The following CLUAP1 variants were observed in gnomAD, a reference collection of about 807,000 sequenced individuals.
CLUAP1 encodes clusterin-associated protein 1.
Under a neutral mutation model 55.0 loss-of-function variants are expected in CLUAP1, and 50 were observed. The ratio of observed to expected loss-of-function variants is 0.91; its 90% CI spans 0.72 to 1.15. CLUAP1 has a LOEUF of 1.15. Among genes scored for constraint, CLUAP1 ranks in the 50% most tolerant of loss-of-function variants. The pLI, the probability that CLUAP1 is intolerant of heterozygous loss-of-function variation, is 0.00. For synonymous variants in CLUAP1, 195 were observed against 175.4 expected (o/e 1.11, Z -0.88); for missense variants, 530 against 507.6 (o/e 1.04, Z -0.42).
At chr16:3,501,615 T>G (rs1257856518) in intron 1 of CLUAP1, among the ~76,000 whole-genome samples, 1 of 152,004 alleles carries the variant, frequency 6.6e-6, no homozygotes, top group Non-Finnish European at 1.5e-5. Context: ...AAACCCCGTC[T>G]CTACTAAAAT....
At chr16:3,498,405 C>T (rs2037335576), upstream of CLUAP1, among the ~76,000 whole-genome samples, 1 of 152,056 alleles carries the variant, frequency 6.6e-6, no homozygotes, top group African/African-American at 2.4e-5. Context: ...CAAGTTGACA[C>T]ACAAAATTAA....
intron 4 of CLUAP1, among the ~76,000 whole-genome samples, chr16:3,511,283 G>A (rs1177366282): frequency 6.6e-6 from 1 of 152,162 alleles, no homozygotes; most frequent in Non-Finnish European, 1.5e-5. Flanking sequence ...AGCAGAGCAG[G>A]GAGACGTTTA....
Position 3,512,387 on chromosome 16 carries a change from C to A in CLUAP1, c.404C>A (p.Ala135Glu), listed in dbSNP as rs1275840487. 1 of 1,612,990 alleles carries A rather than the reference C, an allele frequency of 6.2e-7. No individual in the cohort carries two copies. Among genetic ancestry groups the A allele is most frequent in the Non-Finnish European group, 8.5e-7 (1 of 1,179,176 alleles). Residue 135 changes from alanine to glutamate, a missense_variant, in exon 5 of 12, where the codon GCA becomes GAA. Physicochemically the swap from Ala to Glu is moderately radical, Grantham distance 107. Transcript: ENST00000576634. ...TTTTTGTTATTTTCCTTCCAGATTG[C>A]AGATTTGAAGGCAGCCAGGCAGCTT... is the stretch of plus-strand genomic sequence containing the variant. Reference protein sequence around the residue: ...KFKFDLGSKIADLKAARQLAS... With the variant: ...KFKFDLGSKIEDLKAARQLAS...
At chr16:3,517,879 A>G (rs976195683) in intron 6 of CLUAP1, among the ~76,000 whole-genome samples, 2 of 152,176 alleles carry the variant, frequency 1.3e-5, no homozygotes, top group Non-Finnish European at 2.9e-5. Context: ...AAGTCAAGGA[A>G]AGCTGAGGGG....
intron 1 of CLUAP1, among the ~76,000 whole-genome samples, chr16:3,502,626 C>CTGTAAAAATATCTAGGAAGACCGCA (rs1567420320): frequency 2.6e-5 from 4 of 152,100 alleles, no homozygotes; most frequent in African/African-American, 9.6e-5. Flanking sequence ...GACGCATTAC[C>CTGTAAAAATATCTAGGAAGACCGCA]TTTTATCCAT....
intron 9 of CLUAP1, among the ~76,000 whole-genome samples, chr16:3,529,289 T>C (rs909431541): frequency 6.8e-5 from 10 of 147,470 alleles, no homozygotes; most frequent in African/African-American, 2.5e-4. Context: ...TTTTGAACTT[T>C]GTAGATTTTT....
At chr16:3,508,866 A>G (rs961473657) in intron 4 of CLUAP1, among the ~76,000 whole-genome samples, 1 of 150,322 alleles carries the variant, frequency 6.7e-6, no homozygotes, top group Non-Finnish European at 1.5e-5. Flanking sequence ...GTGATCAGGA[A>G]GGCCTCATGG....
At chr16:3,508,489 G>A (rs758318749) in intron 4 of CLUAP1, 21 bp downstream of exon 4, 2 of 1,535,842 alleles carry the variant, frequency 1.3e-6, no homozygotes, top group South Asian at 2.6e-5. Context: ...CAAAAGCCTT[G>A]TAGTGGGCGA....
chr16:3,519,900 T>C lies in CLUAP1; in HGVS notation c.580-3T>C, dbSNP rs771480133. Reference sequence around the variant, plus strand: ...TTGTCTCATTATTTCCCATTAAATATAGACACAGGTTCAGAAGACTAAAGA... The same window carrying C: ...TTGTCTCATTATTTCCCATTAAATACAGACACAGGTTCAGAAGACTAAAGA... On this transcript the variant is annotated splice_region_variant and splice_polypyrimidine_tract_variant and intron_variant, in intron 6 of 11. Coordinates refer to ENST00000576634, the MANE Select transcript of CLUAP1 (RefSeq NM_015041.3). The C allele has an allele frequency of 1.2e-5, 19 of 1,586,630 alleles. No individual in the cohort carries two copies. Among genetic ancestry groups the C allele is most frequent in the South Asian group, 4.7e-5 (4 of 85,030 alleles).
chr16:3,496,669 C>G, upstream of CLUAP1: 1 of 533,334 alleles, frequency 1.9e-6, no homozygotes, highest in South Asian at 1.4e-5. Flanking sequence ...TCGGCAAGGC[C>G]CTGGGAACCC....
intron 9 of CLUAP1, among the ~76,000 whole-genome samples, chr16:3,527,189 G>T (rs1012721561): frequency 6.6e-6 from 1 of 151,944 alleles, no homozygotes; most frequent in Admixed American, 6.6e-5. Context: ...TATAAAATAA[G>T]AATAGTTATA....
At chr16:3,512,609 T>G in intron 5 of CLUAP1, 131 bp downstream of exon 5, 1 of 623,492 alleles carries the variant, frequency 1.6e-6, no homozygotes, top group South Asian at 2.3e-5. Context: ...TGTGGAAAGG[T>G]GATAGAGGAT....
chr16:3,506,516 T>TC (rs1280748225), intron 3 of CLUAP1, 101 bp downstream of exon 3: 9 of 979,114 alleles, frequency 9.2e-6, no homozygotes, highest in Non-Finnish European at 1.4e-5. Context: ...AGTTTTTCTT[T>TC]CTTTTTTTTT....
rs931574479 is a variant in CLUAP1 at position 3,538,435 on chromosome 16, C to T, written c.*2164C>T. ...TTGGAGCCATGCCAGCCACCTCAGACACCGTGGCTCTAAGATGCGGAAGAG... is the reference window on the plus strand; with the variant it reads ...TTGGAGCCATGCCAGCCACCTCAGATACCGTGGCTCTAAGATGCGGAAGAG... On this transcript the variant is annotated 3_prime_UTR_variant, in exon 12 of 12. Coordinates refer to ENST00000576634, the MANE Select transcript of CLUAP1 (RefSeq NM_015041.3). 1.4e-4 allele frequency: 21 copies of T among 152,200 alleles called. No individual in the cohort carries two copies. Among genetic ancestry groups the T allele is most frequent in the Admixed American group, 2.6e-4 (4 of 15,280 alleles). 9.4% of individuals were successfully genotyped at this position (152,200 alleles called of 1,614,324 possible). A position where few individuals can be genotyped will look rare whatever the true frequency, so the allele number is the denominator to read the frequency against.
chr16:3,498,896 CAA>C (rs35800706), upstream of CLUAP1, among the ~76,000 whole-genome samples: 3 of 150,984 alleles, frequency 2.0e-5, no homozygotes, highest in East Asian at 1.9e-4. Context: ...ACAACAACAA[CAA>C]AAAAAAGTGA....
intron 8 of CLUAP1, among the ~76,000 whole-genome samples, chr16:3,524,754 T>TC (rs1471630968): frequency 6.6e-6 from 1 of 152,190 alleles, no homozygotes; most frequent in Admixed American, 6.6e-5. Flanking sequence ...ACCAACCATC[T>TC]TACAGGTTCC....
chr16:3,520,468 C>T (rs1012388841), intron 7 of CLUAP1, among the ~76,000 whole-genome samples: 1 of 152,060 alleles, frequency 6.6e-6, no homozygotes, highest in African/African-American at 2.4e-5. Context: ...TGAAAAAAAG[C>T]CTTACATAAG....
At chr16:3,500,914 C>A, upstream of CLUAP1, 1 of 789,188 alleles carries the variant, frequency 1.3e-6, no homozygotes, top group Non-Finnish European at 2.0e-6. Flanking sequence ...CGTGCGTATG[C>A]ACGTGCCGCC....
chr16:3,495,513 C>G, the CLUAP1 span: 1 of 1,551,696 alleles, frequency 6.4e-7, no homozygotes, highest in Admixed American at 1.9e-5. Context: ...GCAGGTCTCC[C>G]CTGGCAACTG....
Sources: allele counts gnomAD v4.1 joint callset (sites outside exome capture counted in the v4.1 genomes callset), GRCh38; gene constraint gnomAD v4.1.1; transcripts MANE v1.5; gene names NCBI Gene and HGNC (gene_info 2026-07-23, HGNC 2026-07-21).